Variants in NDRG4 observed in about 807,000 individuals in gnomAD.
NDRG4 encodes the protein protein NDRG4.
NDRG4 carries 38 observed loss-of-function variants against 55.8 expected under a neutral mutation model. The ratio of observed to expected loss-of-function variants is 0.68; its 90% CI spans 0.53 to 0.89. NDRG4 has a LOEUF of 0.89. Among genes scored for constraint, NDRG4 ranks in the 40% least tolerant of loss-of-function variants. NDRG4 has a pLI of 0.00. For missense variants in NDRG4, 455 were observed against 468.6 expected (o/e 0.97, Z 0.27); for synonymous variants, 190 against 182.7 (o/e 1.04, Z -0.32).
chr16:58,491,735 C>T (rs1384638979), intron 2 of NDRG4, among the ~76,000 whole-genome samples: 2 of 152,200 alleles, frequency 1.3e-5, no homozygotes, highest in Admixed American at 6.5e-5. Flanking sequence ...GCTGGGATTA[C>T]AGGCATGATC....
At chr16:58,483,906 A>T (rs1198304081) in intron 1 of NDRG4, among the ~76,000 whole-genome samples, 5 of 152,264 alleles carry the variant, frequency 3.3e-5, no homozygotes, top group African/African-American at 1.2e-4. Flanking sequence ...CTCTACAAAA[A>T]ATGAAAAGAA....
In NDRG4 at chr16:58,506,599, C is replaced by A; in HGVS notation, c.501C>A (p.Ser167=). Residue 167 remains serine, a synonymous_variant, in exon 7 of 15, where the codon TCC becomes TCA. Coordinates refer to ENST00000570248, the MANE Select transcript of NDRG4 (RefSeq NM_001242835.2). ...GCACTTTACCCGACACGGTGCTCTC[C>A]CACCTCTTCAGCCAGGTAAGGGGGG... ...LTSTLPDTVL[S]HLFSQEELVN... 1 of 1,564,746 alleles carries A rather than the reference C, an allele frequency of 6.4e-7. No homozygotes were observed. The highest frequency in any genetic ancestry group is 2.4e-5 in the East Asian group (1 of 42,512).
intron 1 of NDRG4, chr16:58,501,031 G>C: frequency 8.0e-7 from 1 of 1,244,708 alleles, no homozygotes; most frequent in Non-Finnish European, 1.0e-6. Context: ...GCAGGGCTAG[G>C]GGACCCCAGG....
At chr16:58,469,922 T>C (rs2032444358) in intron 1 of NDRG4, among the ~76,000 whole-genome samples, 1 of 152,244 alleles carries the variant, frequency 6.6e-6, no homozygotes, top group Non-Finnish European at 1.5e-5. Flanking sequence ...GGTGAGTGGC[T>C]GGCTGGAATT....
rs1346648620 is a variant in NDRG4, at chr16:58,464,397, C to A, written c.-24+600C>A. On this transcript the variant is annotated intron_variant, in intron 1 of 15. Transcript: ENST00000258187. This position sits in a 1 kb window ranked among gnomAD's most constrained non-coding sequence, Gnocchi z 4.8. ...TCGGCCGAGCGCGCTGCCCCGACGC[C>A]GCCACCCAGAGCCGGGCCGCGCCGG... The A allele has an allele frequency of 9.5e-6, 13 of 1,371,526 alleles. No homozygotes were observed. The highest frequency in any genetic ancestry group is 1.5e-5 in the African/African-American group (1 of 65,686). The allele number at this position is 1,371,526 out of a possible 1,614,324, so 85.0% of individuals were successfully genotyped here.
chr16:58,506,802 C>A, intron 7 of NDRG4, 110 bp from the exon 8 acceptor site: 1 of 1,232,272 alleles, frequency 8.1e-7, no homozygotes, highest in South Asian at 1.3e-5. Flanking sequence ...TCTCCCCTGC[C>A]TGCTGAGTGG....
Position 58,513,168 on chromosome 16 carries a change from A to ATGTGTG in NDRG4, c.*1616_*1621dup, listed in dbSNP as rs60858251. On this transcript the variant is annotated 3_prime_UTR_variant, in exon 15 of 15. Coordinates refer to ENST00000570248, the MANE Select transcript of NDRG4 (RefSeq NM_001242835.2). ...GTATCTATAAATATCTATACATTAT[A>ATGTGTG]TGTGTGTGTGTGTGTGTGTGTGTGT... 0.1 allele frequency: 15,025 copies of ATGTGTG among 150,114 alleles called. 1,297 individuals are homozygous for ATGTGTG. The highest frequency in any genetic ancestry group is 0.25 in the East Asian group (1,288 of 5,086). The allele number at this position is 150,114 out of a possible 1,614,324, so 9.3% of individuals were successfully genotyped here.
chr16:58,510,986 T>C lies in NDRG4; in HGVS notation c.904+303T>C, dbSNP rs138416628. 1.1e-5 allele frequency: 6 copies of C among 534,084 alleles called. No homozygotes were observed. The Admixed American group carries it at 1.6e-4, about 14-fold the overall frequency. The allele number at this position is 534,084 out of a possible 1,614,324, so 33.1% of individuals were successfully genotyped here. ...CAGGCCTGGCCCTGCCTGAGCCACA[T>C]AGGTGGCCAGGAGAGTTCCGGAGGG... is the stretch of plus-strand genomic sequence containing the variant. On this transcript the variant is annotated intron_variant, in intron 14 of 14. Coordinates refer to ENST00000570248, the MANE Select transcript of NDRG4 (RefSeq NM_001242835.2).
At chr16:58,475,063 T>C (rs748696312) in intron 1 of NDRG4, among the ~76,000 whole-genome samples, 2 of 152,218 alleles carry the variant, frequency 1.3e-5, no homozygotes, top group African/African-American at 2.4e-5. Flanking sequence ...CCCCTCGGGC[T>C]CTCTCTTTAC....
chr16:58,505,319 A>T (rs530532929), intron 5 of NDRG4, among the ~76,000 whole-genome samples: 2 of 152,024 alleles, frequency 1.3e-5, no homozygotes, highest in South Asian at 4.2e-4. Flanking sequence ...ACTGCACTCC[A>T]GCCTGGGCAA....
intron 2 of NDRG4, 100 bp from the exon 3 acceptor site, chr16:58,504,054 C>T (rs1225932581): frequency 2.9e-5 from 46 of 1,587,676 alleles, no homozygotes; most frequent in Admixed American, 3.4e-5. Flanking sequence ...CCGACGGACC[C>T]GAGGCTTACA....
chr16:58,513,329 CATGAG>C lies in NDRG4; in HGVS notation c.*1758_*1762del, dbSNP rs2038995845. ...TTTTGTGTATTCTGGTGGCTGCTGT[CATGAG>C]ATGATAAAATGTAAAACAAAACTCT... On this transcript the variant is annotated 3_prime_UTR_variant, in exon 15 of 15. Coordinates refer to ENST00000570248, the MANE Select transcript of NDRG4 (RefSeq NM_001242835.2). The C allele has an allele frequency of 1.3e-5, 2 of 152,122 alleles. No individual in the cohort carries two copies. The allele number at this position is 152,122 out of a possible 1,614,324, so 9.4% of individuals were successfully genotyped here. A position where few individuals can be genotyped will look rare whatever the true frequency, so the allele number is the denominator to read the frequency against.
rs147961217 is a variant in NDRG4, at chr16:58,509,465, G to T, written c.865+113G>T. The T allele has an allele frequency of 2.7e-3, 3,035 of 1,132,286 alleles. 9 individuals are homozygous for T. The highest frequency in any genetic ancestry group is 3.4e-3 in the Non-Finnish European group (2,689 of 785,620). The allele number at this position is 1,132,286 out of a possible 1,614,324, so 70.1% of individuals were successfully genotyped here. A position where few individuals can be genotyped will look rare whatever the true frequency, so the allele number is the denominator to read the frequency against. The stretch of plus-strand genomic sequence containing the variant: ...ACGTGGTGTCAGGTGGTAGTAGGGA[G>T]CCCATAAGCATAGGAGTTTTGTGTG... On this transcript the variant is annotated intron_variant, in intron 13 of 14. Transcript: ENST00000570248.
intron 1 of NDRG4, chr16:58,463,895 C>G (rs925782995): frequency 6.8e-6 from 1 of 147,900 alleles, no homozygotes; most frequent in African/African-American, 2.5e-5. Flanking sequence ...CAGCCCCGAG[C>G]ACGACCCCAG....
At position 58,512,054 on chromosome 16, in the gene NDRG4, G is replaced by A. The variant is rs993806789; in HGVS notation, c.*478G>A. 3.1e-5 allele frequency: 14 copies of A among 457,406 alleles called. 1 individual carries two copies. The highest frequency in any genetic ancestry group is 8.0e-5 in the African/African-American group (4 of 50,224). 28.3% of individuals were successfully genotyped at this position (457,406 alleles called of 1,614,324 possible). ...CCTGTTTCTGTCTCATAGCACATGT[G>A]ACAATCATCTGGACAACAGCCACAA... On this transcript the variant is annotated 3_prime_UTR_variant, in exon 15 of 15. Coordinates refer to ENST00000570248, the MANE Select transcript of NDRG4 (RefSeq NM_001242835.2).
intron 1 of NDRG4, among the ~76,000 whole-genome samples, chr16:58,478,030 A>G (rs2033908999): frequency 6.6e-6 from 1 of 152,198 alleles, no homozygotes; most frequent in South Asian, 2.1e-4. Flanking sequence ...CAGTCTAATC[A>G]TGAGAAAACA....
In NDRG4 at chr16:58,501,935, C is replaced by T. The variant is rs1013949398; in HGVS notation, c.21+1666C>T. The T allele has an allele frequency of 8.8e-6, 4 of 454,882 alleles. No individual in the cohort carries two copies. In the Admixed American group the frequency reaches 9.4e-5, roughly 11 times the overall value. The allele number at this position is 454,882 out of a possible 1,614,324, so 28.2% of individuals were successfully genotyped here. A position where few individuals can be genotyped will look rare whatever the true frequency, so the allele number is the denominator to read the frequency against. ...GTCTGACCCCAGGAGGATAACTGTC[C>T]TTTATGCAGCAGGAGGCGCATTGCA... On this transcript the variant is annotated intron_variant, in intron 1 of 14. Coordinates refer to ENST00000570248, the MANE Select transcript of NDRG4 (RefSeq NM_001242835.2).
At chr16:58,475,587 G>T (rs925956400) in intron 1 of NDRG4, 3 of 455,352 alleles carry the variant, frequency 6.6e-6, no homozygotes, top group African/African-American at 6.0e-5. Flanking sequence ...TAAGATAAAA[G>T]TATTTTTTTC....
chr16:58,509,375 C>A, intron 13 of NDRG4, 23 bp downstream of exon 13: 1 of 1,611,576 alleles, frequency 6.2e-7, no homozygotes, highest in Non-Finnish European at 8.5e-7. Flanking sequence ...CCACCCCACC[C>A]CACACCACCT....
Sources: gnomAD v4.1 joint callset for allele counts (sites outside exome capture counted in the v4.1 genomes callset) on GRCh38, gnomAD v4.1.1 for gene constraint, Gnocchi (gnomAD v3.1) non-coding constraint, MANE v1.5 for transcripts, NCBI Gene and HGNC (gene_info 2026-07-23, HGNC 2026-07-21) for gene names.